The following NFATC3 variants were observed in gnomAD, a reference collection of about 807,000 sequenced individuals.
The protein encoded by NFATC3 is nuclear factor of activated T-cells, cytoplasmic 3.
In NFATC3, 46 loss-of-function variants were observed where a neutral mutation model predicts 98.6. The ratio of observed to expected loss-of-function variants is 0.47; its 90% CI spans 0.37 to 0.60. The LOEUF is 0.60. NFATC3 is among the 20% of genes least tolerant of loss of function. NFATC3 has a pLI of 0.00. For missense variants in NFATC3, 1,256 were observed against 1,295.5 expected, an observed-to-expected ratio of 0.97 and a Z score of 0.47; for synonymous variants, 512 against 472.2, an observed-to-expected ratio of 1.08 and a Z score of -1.09.
At chr16:68,219,126 C>G (rs1223287426) in intron 9 of NFATC3, among the ~76,000 whole-genome samples, 1 of 151,716 alleles carries the variant, frequency 6.6e-6, no homozygotes, top group Non-Finnish European at 1.5e-5. Flanking sequence ...TGGCTCACGC[C>G]TGTAATCCCA....
At chr16:68,216,109 C>T (rs546430839) in intron 9 of NFATC3, among the ~76,000 whole-genome samples, 3 of 152,092 alleles carry the variant, frequency 2.0e-5, no homozygotes, top group South Asian at 4.2e-4. Context: ...AAATTGATGC[C>T]GCAAGGTGTT....
At chr16:68,140,428 C>T (rs538637904) in intron 3 of NFATC3, among the ~76,000 whole-genome samples, 51 of 152,274 alleles carry the variant, frequency 3.3e-4, no homozygotes, top group African/African-American at 1.2e-3. Context: ...ATCCAGAAGC[C>T]ACTAGCTACA....
Position 68,157,762 on chromosome 16 carries a change from T to C in NFATC3, c.1402-107T>C, listed in dbSNP as rs571274012. The C allele has an allele frequency of 5.4e-5, 42 of 773,166 alleles. No homozygotes were observed. The East Asian group carries it at 1.3e-3, about 24-fold the overall frequency. 47.9% of individuals were successfully genotyped at this position (773,166 alleles called of 1,614,324 possible). On this transcript the variant is annotated intron_variant, in intron 3 of 9. Transcript: ENST00000346183. Reference sequence around the variant, plus strand: ...TTGTATTTTTTGAAATAACATTTTGTGTGTCAATAGTATATGATAGAGATA... The same window carrying C: ...TTGTATTTTTTGAAATAACATTTTGCGTGTCAATAGTATATGATAGAGATA...
intron 1 of NFATC3, among the ~76,000 whole-genome samples, chr16:68,102,408 A>T (rs1302602179): frequency 2.8e-5 from 4 of 144,466 alleles, no homozygotes; most frequent in African/African-American, 1.0e-4. Context: ...AAAAGTCTTC[A>T]TTCTCCCCTC....
At chr16:68,213,630 C>A (rs1459319050) in intron 9 of NFATC3, among the ~76,000 whole-genome samples, 1 of 151,956 alleles carries the variant, frequency 6.6e-6, no homozygotes, top group Admixed American at 6.6e-5. Flanking sequence ...GAGTTTGAGA[C>A]CCACCTGGCC....
intron 3 of NFATC3, 134 bp from the exon 4 acceptor site, chr16:68,157,735 G>A: frequency 1.5e-6 from 1 of 645,250 alleles, no homozygotes; most frequent in Non-Finnish European, 2.4e-6. Flanking sequence ...GGTTACTTTT[G>A]GTTGTATTTT....
chr16:68,215,168 C>T (rs1338657546), intron 9 of NFATC3, among the ~76,000 whole-genome samples: 1 of 152,088 alleles, frequency 6.6e-6, no homozygotes, highest in African/African-American at 2.4e-5. Context: ...TGTTCACTAC[C>T]CAAACCTTTA....
rs777806475 is a variant in NFATC3, at chr16:68,157,897, A to G, written c.1430A>G (p.Asn477Ser). Residue 477 changes from asparagine to serine, a missense_variant, in exon 4 of 10, where the codon AAT becomes AGT. Transcript: ENST00000346183. The stretch of plus-strand genomic sequence containing the variant: ...CTGGGCTATAACGAAAAGCCAATAA[A>G]TCTACAAATGTTTATTGGGACAGCA... The part of the protein sequence containing the change: ...KLLGYNEKPI[N>S]LQMFIGTADD... 15 of 1,613,652 alleles carry G rather than the reference A, an allele frequency of 9.3e-6. No individual in the cohort carries two copies. In the South Asian group the frequency reaches 1.5e-4, roughly 17 times the overall value.
intron 2 of NFATC3, among the ~76,000 whole-genome samples, chr16:68,123,995 CA>C (rs933152204): frequency 6.6e-4 from 89 of 134,234 alleles, no homozygotes; most frequent in East Asian, 8.5e-4. Context: ...CACCCCCCTA[CA>C]AAAAAAAAAA....
At chr16:68,102,421 A>G (rs148722349) in intron 1 of NFATC3, among the ~76,000 whole-genome samples, 1 of 147,570 alleles carries the variant, frequency 6.8e-6, no homozygotes, top group African/African-American at 2.5e-5. Context: ...CTCCCCTCAC[A>G]CTTAATTTTG....
At chr16:68,210,784 G>C (rs2041353155) in intron 9 of NFATC3, among the ~76,000 whole-genome samples, 1 of 151,738 alleles carries the variant, frequency 6.6e-6, no homozygotes, top group Non-Finnish European at 1.5e-5. Context: ...TAGTTTTTTT[G>C]TTTTTTTGTT....
At chr16:68,165,188 G>C (rs1053854420) in intron 4 of NFATC3, among the ~76,000 whole-genome samples, 4 of 151,844 alleles carry the variant, frequency 2.6e-5, no homozygotes, top group Non-Finnish European at 1.5e-5. Context: ...TGATAATACT[G>C]CTTTGAGCTA....
At chr16:68,144,092 A>G (rs1192694458) in intron 3 of NFATC3, among the ~76,000 whole-genome samples, 1 of 152,212 alleles carries the variant, frequency 6.6e-6, no homozygotes, top group Non-Finnish European at 1.5e-5. Context: ...AACATGTGCA[A>G]AGCATATATC....
Position 68,180,896 on chromosome 16 carries a change from G to A in NFATC3, c.1916-579G>A, listed in dbSNP as rs185035106. Among the ~76,000 whole-genome samples, 277 of 152,296 alleles carry A rather than the reference G, an allele frequency of 1.8e-3. 4 individuals carry two copies. Among genetic ancestry groups the A allele is most frequent in the African/African-American group, 6.3e-3 (261 of 41,548 alleles). On this transcript the variant is annotated intron_variant, in intron 6 of 9. Transcript: ENST00000346183. ...ATATGTGCCACATTTTCTTAATCCA[G>A]TCTATCATTCATGGACATTTGGGTT... is the stretch of plus-strand genomic sequence containing the variant.
chr16:68,201,549 G>A (rs1341293418), intron 9 of NFATC3, among the ~76,000 whole-genome samples: 1 of 151,728 alleles, frequency 6.6e-6, no homozygotes, highest in Non-Finnish European at 1.5e-5. Flanking sequence ...GGTATTACAG[G>A]CGTGAGCCAC....
At chr16:68,105,327 G>A (rs1447207954) in intron 1 of NFATC3, among the ~76,000 whole-genome samples, 2 of 151,962 alleles carry the variant, frequency 1.3e-5, no homozygotes, top group African/African-American at 4.8e-5. Context: ...CTGACCTCAA[G>A]TGATCCACGT....
At chr16:68,130,248 A>G (rs996946141) in intron 3 of NFATC3, among the ~76,000 whole-genome samples, 1 of 152,154 alleles carries the variant, frequency 6.6e-6, no homozygotes, top group Non-Finnish European at 1.5e-5. Context: ...TGTAATGGCT[A>G]TACTCACTCA....
chr16:68,110,195 G>A (rs958064695), intron 1 of NFATC3, among the ~76,000 whole-genome samples: 1 of 152,032 alleles, frequency 6.6e-6, no homozygotes, highest in African/African-American at 2.4e-5. Context: ...AGTAGAGACA[G>A]GGTTTTACCA....
At position 68,085,463 on chromosome 16, in the gene NFATC3, G is replaced by A. The variant is rs2034312863; in HGVS notation, c.-219G>A. The stretch of plus-strand genomic sequence containing the variant: ...AGCCGACAGTGGAGGCTTAGGCACC[G>A]GTGGCGGGCGGCTGCGGTTCCTGGT... On this transcript the variant is annotated 5_prime_UTR_variant, in exon 1 of 10. Transcript: ENST00000346183. 4.5e-6 allele frequency: 2 copies of A among 446,304 alleles called. No individual in the cohort carries two copies. Among genetic ancestry groups the A allele is most frequent in the Non-Finnish European group, 8.0e-6 (2 of 251,518 alleles). The allele number at this position is 446,304 out of a possible 1,614,324, so 27.6% of individuals were successfully genotyped here.
Sources: gnomAD v4.1 joint callset for allele counts (sites outside exome capture counted in the v4.1 genomes callset) on GRCh38, gnomAD v4.1.1 for gene constraint, MANE v1.5 for transcripts, NCBI Gene and HGNC (gene_info 2026-07-23, HGNC 2026-07-21) for gene names.